Variants in ABTB3 observed in about 807,000 individuals in gnomAD.
ABTB3 encodes the protein ankyrin repeat and BTB domain containing 3.
chr12:107,591,840 T>C, the ABTB3 span, among the ~76,000 whole-genome samples: 5 of 152,196 alleles, frequency 3.3e-5, no homozygotes, highest in Non-Finnish European at 7.3e-5. Context: ...TTCCTTTTCT[T>C]CTTCACATCT....
the ABTB3 span, among the ~76,000 whole-genome samples, chr12:107,469,866 T>TTTTCTTTCTTTCTTTTTC: frequency 1.3e-3 from 95 of 75,574 alleles, 2 homozygotes; most frequent in African/African-American, 4.3e-3. Flanking sequence ...TCTTTCTTTC[T>TTTTCTTTCTTTCTTTTTC]TTTCTTTCTT....
At chr12:107,382,760 T>C in the ABTB3 span, among the ~76,000 whole-genome samples, 11 of 151,742 alleles carry the variant, frequency 7.2e-5, no homozygotes, top group African/African-American at 2.7e-4. Context: ...GGGCCTGTTG[T>C]GGGGTGGAGG....
chr12:107,457,571 T>C, the ABTB3 span, among the ~76,000 whole-genome samples: 2,505 of 152,262 alleles, frequency 0.016, 78 homozygotes, highest in African/African-American at 0.058. Flanking sequence ...CAGTGTTCAA[T>C]CTTGTTAGAG....
At chr12:107,580,751 A>G in the ABTB3 span, 9 of 1,393,496 alleles carry the variant, frequency 6.5e-6, no homozygotes, top group African/African-American at 1.5e-5. Flanking sequence ...CCAAATAGAA[A>G]TAACACGGGG....
chr12:107,420,963 C>A, the ABTB3 span, among the ~76,000 whole-genome samples: 5 of 152,292 alleles, frequency 3.3e-5, no homozygotes, highest in East Asian at 9.6e-4. Flanking sequence ...TGACACAAGC[C>A]TTGGTTCCAA....
At chr12:107,541,691 T>A in the ABTB3 span, among the ~76,000 whole-genome samples, 1 of 152,248 alleles carries the variant, frequency 6.6e-6, no homozygotes, top group African/African-American at 2.4e-5. Flanking sequence ...TCTCAAAGTC[T>A]ATTGATTTAA....
the ABTB3 span, among the ~76,000 whole-genome samples, chr12:107,505,902 T>C: frequency 6.6e-6 from 1 of 152,214 alleles, no homozygotes; most frequent in Admixed American, 6.5e-5. Context: ...ATGGTGCATA[T>C]ATGTACTACA....
chr12:107,566,051 C>T, the ABTB3 span, among the ~76,000 whole-genome samples: 3 of 152,164 alleles, frequency 2.0e-5, no homozygotes, highest in East Asian at 1.9e-4. Flanking sequence ...ATCTAGACTG[C>T]GAAGTAAATT....
chr12:107,616,698 C>T, the ABTB3 span, among the ~76,000 whole-genome samples: 2 of 152,202 alleles, frequency 1.3e-5, no homozygotes, highest in African/African-American at 2.4e-5. Context: ...GTAACCAGCC[C>T]AGGAGGGGAG....
At chr12:107,423,128 C>T in the ABTB3 span, among the ~76,000 whole-genome samples, 1 of 152,258 alleles carries the variant, frequency 6.6e-6, no homozygotes, top group Admixed American at 6.5e-5. Context: ...GTCCCTTCCC[C>T]CCTAAAGTTG....
chr12:107,624,130 T>C, the ABTB3 span, among the ~76,000 whole-genome samples: 1 of 151,708 alleles, frequency 6.6e-6, no homozygotes, highest in Non-Finnish European at 1.5e-5. Context: ...TGGCTTTTCT[T>C]CTATGTGTAA....
the ABTB3 span, among the ~76,000 whole-genome samples, chr12:107,560,753 C>T: frequency 1.3e-5 from 2 of 152,310 alleles, no homozygotes; most frequent in Middle Eastern, 3.4e-3. Context: ...AGCATGGCAG[C>T]CTCATCAGAA....
At chr12:107,634,680 G>A in the ABTB3 span, among the ~76,000 whole-genome samples, 1 of 152,142 alleles carries the variant, frequency 6.6e-6, no homozygotes, top group African/African-American at 2.4e-5. Flanking sequence ...AAGCAGGCGC[G>A]TGTGTCCCCA....
At chr12:107,629,915 C>G in the ABTB3 span, among the ~76,000 whole-genome samples, 1 of 152,088 alleles carries the variant, frequency 6.6e-6, no homozygotes, top group East Asian at 1.9e-4. Context: ...ACCTATGGAT[C>G]TCACCCCCTG....
At chr12:107,574,619 G>T in the ABTB3 span, among the ~76,000 whole-genome samples, 8 of 152,312 alleles carry the variant, frequency 5.3e-5, no homozygotes, top group African/African-American at 1.7e-4. Flanking sequence ...CTACTTGGGA[G>T]GCTGAGGCAG....
chr12:107,430,488 A>C, the ABTB3 span, among the ~76,000 whole-genome samples: 8 of 152,206 alleles, frequency 5.3e-5, no homozygotes, highest in African/African-American at 1.9e-4. Context: ...TCATTTTCCC[A>C]CACTCTTGGC....
At chr12:107,453,851 AG>A in the ABTB3 span, among the ~76,000 whole-genome samples, 2 of 152,180 alleles carry the variant, frequency 1.3e-5, no homozygotes, top group Non-Finnish European at 2.9e-5. Flanking sequence ...AAATTTTGAA[AG>A]TAAAACCCTG....
the ABTB3 span, among the ~76,000 whole-genome samples, chr12:107,554,067 T>G: frequency 4.6e-5 from 7 of 152,208 alleles, no homozygotes; most frequent in African/African-American, 1.7e-4. Context: ...ACTGAACATT[T>G]GATGAGCGTC....
the ABTB3 span, among the ~76,000 whole-genome samples, chr12:107,588,014 C>A: frequency 6.6e-6 from 1 of 152,124 alleles, no homozygotes; most frequent in Admixed American, 6.5e-5. Flanking sequence ...GTCAAGGATC[C>A]TTCCTTGACA....
Sources: allele counts gnomAD v4.1 joint callset (sites outside exome capture counted in the v4.1 genomes callset), GRCh38; gene constraint gnomAD v4.1.1; transcripts MANE v1.5; gene names NCBI Gene and HGNC (gene_info 2026-07-23, HGNC 2026-07-21).